The following MTFR1 variants were observed in gnomAD, a reference collection of about 807,000 sequenced individuals.
The protein encoded by MTFR1 is mitochondrial fission regulator 1.
MTFR1 carries 28 observed loss-of-function variants against 38.8 expected under a neutral mutation model. That is an observed-to-expected ratio of 0.72 (90% CI 0.53 to 0.99). MTFR1 has a LOEUF of 0.99. MTFR1 is among the 50% of genes least tolerant of loss of function. MTFR1 has a pLI of 0.00. For synonymous variants in MTFR1, 145 were observed against 137.0 expected, an observed-to-expected ratio of 1.06 and a Z score of -0.41; for missense variants, 358 against 395.5, an observed-to-expected ratio of 0.91 and a Z score of 0.81.
chr8:65,655,952 AT>A (rs200829572), intron 1 of MTFR1, among the ~76,000 whole-genome samples: 1,071 of 36,582 alleles, frequency 0.029, 65 homozygotes, highest in African/African-American at 0.21. Context: ...AAAAAAAAAA[AT>A]ATATATATAT....
At chr8:65,731,171 TG>T (rs370701592) in intron 3 of MTFR1, among the ~76,000 whole-genome samples, 4 of 152,272 alleles carry the variant, frequency 2.6e-5, no homozygotes, top group Non-Finnish European at 4.4e-5. Context: ...AGTAAGATTC[TG>T]GGGGCCAAAA....
Position 65,771,000 on chromosome 8 carries a change from T to A in MTFR1, c.*102T>A, listed in dbSNP as rs897019503. ...GGACAAGAAGGCCTATGGCAAATCC[T>A]ACTGAAGATAAATTTATAAGCCTTA... is the stretch of plus-strand genomic sequence containing the variant. On this transcript the variant is annotated 3_prime_UTR_variant, in exon 4 of 4. Coordinates refer to the MTFR1 transcript ENST00000521247. The A allele has an allele frequency of 1.1e-5, 4 of 352,894 alleles. No individual in the cohort carries two copies. The Admixed American group carries it at 1.4e-4, about 12-fold the overall frequency. 21.9% of individuals were successfully genotyped at this position (352,894 alleles called of 1,614,324 possible). A position where few individuals can be genotyped will look rare whatever the true frequency, so the allele number is the denominator to read the frequency against.
intron 1 of MTFR1, among the ~76,000 whole-genome samples, chr8:65,650,722 C>T (rs1459387373): frequency 1.3e-5 from 2 of 152,174 alleles, no homozygotes; most frequent in Non-Finnish European, 2.9e-5. Context: ...TATTTAGTTG[C>T]TTCCAAATCC....
intron 4 of MTFR1, among the ~76,000 whole-genome samples, chr8:65,700,565 A>G (rs1279654508): frequency 6.6e-6 from 1 of 152,134 alleles, no homozygotes; most frequent in Non-Finnish European, 1.5e-5. Context: ...CTGATAACTG[A>G]TAATCTCATC....
intron 2 of MTFR1, chr8:65,718,166 T>TC (rs1806216749): frequency 6.6e-6 from 1 of 152,178 alleles, no homozygotes; most frequent in Non-Finnish European, 1.5e-5. Flanking sequence ...AACCTTCCCC[T>TC]CCCCCGAGTG....
intron 3 of MTFR1, among the ~76,000 whole-genome samples, chr8:65,750,419 T>G (rs1807880063): frequency 6.6e-6 from 1 of 151,928 alleles, no homozygotes. Flanking sequence ...GCAATTAGGA[T>G]TGCTGTGTGT....
At position 65,696,746 on chromosome 8, in the gene MTFR1, C is replaced by T. The variant is rs181553369; in HGVS notation, c.281+2987C>T. Among the ~76,000 whole-genome samples the T allele has an allele frequency of 7.9e-3, 1,176 of 148,576 alleles. 6 individuals carry two copies. The highest frequency in any genetic ancestry group is 0.026 in the African/African-American group (1,052 of 40,294). On this transcript the variant is annotated intron_variant, in intron 4 of 7. Coordinates refer to ENST00000262146, the MANE Select transcript of MTFR1 (RefSeq NM_014637.4). Reference sequence around the variant, plus strand: ...TGCAGTCTTGGCTTACTGCAACCTCCGCCTCCTGGGTTTAAGCAATTCTCC... The same window carrying T: ...TGCAGTCTTGGCTTACTGCAACCTCTGCCTCCTGGGTTTAAGCAATTCTCC...
chr8:65,683,124 C>T (rs865845802), intron 3 of MTFR1, among the ~76,000 whole-genome samples: 139 of 142,356 alleles, frequency 9.8e-4, no homozygotes, highest in African/African-American at 3.5e-3. Flanking sequence ...ACTTTTGTTT[C>T]TTTCTTTCTT....
chr8:65,694,679 A>G (rs1318382090), intron 4 of MTFR1, among the ~76,000 whole-genome samples: 2 of 152,180 alleles, frequency 1.3e-5, no homozygotes, highest in Non-Finnish European at 2.9e-5. Context: ...TTTGAGTCAA[A>G]AGGAGATTAA....
At chr8:65,723,691 G>T (rs991285079) in intron 3 of MTFR1, 93 of 1,060,698 alleles carry the variant, frequency 8.8e-5, no homozygotes, top group Non-Finnish European at 1.8e-5. Context: ...TTAAAGGCTT[G>T]AACATACCTG....
At chr8:65,705,328 TAAACAAAAAAC>T (rs1470341416) in intron 5 of MTFR1, among the ~76,000 whole-genome samples, 14 of 152,054 alleles carry the variant, frequency 9.2e-5, no homozygotes, top group African/African-American at 3.4e-4. Flanking sequence ...TTCTCAAAAC[TAAACAAAAAAC>T]AAACAAAAAA....
rs1212387071 is a variant in MTFR1, at chr8:65,662,940, C to T, written c.-80-6933C>T. Among the ~76,000 whole-genome samples the T allele has an allele frequency of 5.3e-5, 8 of 151,082 alleles. No homozygotes were observed. In the South Asian group the frequency reaches 1.0e-3, roughly 20 times the overall value. On this transcript the variant is annotated intron_variant, in intron 1 of 7. Coordinates refer to ENST00000262146, the MANE Select transcript of MTFR1 (RefSeq NM_014637.4). ...CAGCCCCCCGCCTGGCCAGCCACCC[C>T]GTCCGGGAGATGAGGGGCGCCTCTG...
At chr8:65,760,918 G>A (rs961798963) in intron 3 of MTFR1, among the ~76,000 whole-genome samples, 1 of 120,872 alleles carries the variant, frequency 8.3e-6, no homozygotes, top group Admixed American at 7.8e-5. Context: ...ACATCATTTA[G>A]GAATACAGGA....
At chr8:65,749,668 T>C (rs949291903) in intron 3 of MTFR1, among the ~76,000 whole-genome samples, 6 of 152,190 alleles carry the variant, frequency 3.9e-5, no homozygotes, top group Admixed American at 1.3e-4. Flanking sequence ...AAAAGATAAA[T>C]AGTATGCCCC....
At position 65,694,184 on chromosome 8, in the gene MTFR1, C is replaced by T. The variant is rs181290873; in HGVS notation, c.281+425C>T. Among the ~76,000 whole-genome samples the T allele has an allele frequency of 2.3e-3, 348 of 151,614 alleles. 2 individuals carry two copies. The highest frequency in any genetic ancestry group is 8.2e-3 in the African/African-American group (340 of 41,366). On this transcript the variant is annotated intron_variant, in intron 4 of 7. Transcript: ENST00000262146. ...CCACCTCACAGGTTCAAGCGATTCT[C>T]CTGCCTCAGCTTCCTGAGTAGCTGG...
At chr8:65,700,076 T>C (rs1306674720) in intron 4 of MTFR1, among the ~76,000 whole-genome samples, 4 of 151,350 alleles carry the variant, frequency 2.6e-5, no homozygotes, top group Non-Finnish European at 5.9e-5. Context: ...ACAGGCCGAG[T>C]GTAGTGGCTC....
chr8:65,653,373 G>A (rs1430530483), intron 1 of MTFR1, among the ~76,000 whole-genome samples: 1 of 151,990 alleles, frequency 6.6e-6, no homozygotes, highest in African/African-American at 2.4e-5. Flanking sequence ...TTAGCTGGGC[G>A]TGGTGGTCTG....
chr8:65,730,980 A>C (rs1806860835), intron 3 of MTFR1, among the ~76,000 whole-genome samples: 1 of 152,192 alleles, frequency 6.6e-6, no homozygotes, highest in South Asian at 2.1e-4. Context: ...GAGTAAACCC[A>C]GCCAATGATA....
intron 3 of MTFR1, chr8:65,719,651 G>A (rs1806292730): frequency 3.3e-6 from 2 of 609,842 alleles, no homozygotes; most frequent in Admixed American, 2.9e-5. Context: ...GACAGAGTCT[G>A]TAATGTACAT....
Sources: gnomAD v4.1 joint callset for allele counts (sites outside exome capture counted in the v4.1 genomes callset) on GRCh38, gnomAD v4.1.1 for gene constraint, MANE v1.5 for transcripts, NCBI Gene and HGNC (gene_info 2026-07-23, HGNC 2026-07-21) for gene names.